Variants in LENG8 observed in about 807,000 individuals in gnomAD.
LENG8 encodes the protein leukocyte receptor cluster member 8, also known as leukocyte receptor cluster (LRC) member 8.
LENG8 carries 28 observed loss-of-function variants against 102.1 expected under a neutral mutation model. The observed-to-expected ratio is 0.27, with a 90% CI of 0.20 to 0.38. LENG8 has a LOEUF of 0.38. Among genes scored for constraint, LENG8 ranks in the 10% least tolerant of loss-of-function variants. The pLI, the probability that LENG8 is intolerant of heterozygous loss-of-function variation, is 1.00. For missense variants in LENG8, 1,022 were observed against 1,113.9 expected (o/e 0.92, Z 1.17); for synonymous variants, 531 against 456.7 (o/e 1.16, Z -2.07).
At chr19:54,452,060 A>G (rs762752551) in intron 2 of LENG8, 33 bp from the exon 3 acceptor site, 11 of 1,586,334 alleles carry the variant, frequency 6.9e-6, no homozygotes, top group Non-Finnish European at 9.5e-6. Flanking sequence ...AGTGGGGAGA[A>G]CAGGTGTGAC....
intron 3 of LENG8, among the ~76,000 whole-genome samples, 191 bp downstream of exon 3, chr19:54,452,458 G>A (rs1462557584): frequency 1.3e-5 from 2 of 152,268 alleles, no homozygotes; most frequent in Admixed American, 1.3e-4. Flanking sequence ...TGGTTCTGAA[G>A]AGGGAGGCCA....
In LENG8 at chr19:54,454,896, G is replaced by A. The variant is rs968409944; in HGVS notation, c.680-55G>A. 4 of 1,608,910 alleles carry A rather than the reference G, an allele frequency of 2.5e-6. No individual in the cohort carries two copies. In the South Asian group the frequency reaches 3.3e-5, roughly 13 times the overall value. ...ATTTCCACTTCCTCCCGTCCCCTGG[G>A]GACCCCTGGATGTGCCGGGGAAGGG... On this transcript the variant is annotated intron_variant, in intron 6 of 15. Coordinates refer to ENST00000326764, the MANE Select transcript of LENG8 (RefSeq NM_052925.4).
chr19:54,452,381 A>T (rs566506796), intron 3 of LENG8, 114 bp downstream of exon 3: 1 of 943,244 alleles, frequency 1.1e-6, no homozygotes, highest in East Asian at 2.6e-5. Flanking sequence ...ACATGAAAAG[A>T]CGTTCCAGGG....
rs1430084109 is a variant in LENG8 at position 54,460,606 on chromosome 19, A to G, written c.2241-160A>G. The stretch of plus-strand genomic sequence containing the variant: ...ACTAACCCCCCCCGGGCCCCCCCCG[A>G]GCCCCTGAGGTGGGGAGGCTGGGAG... On this transcript the variant is annotated intron_variant, in intron 15 of 15. Coordinates refer to ENST00000326764, the MANE Select transcript of LENG8 (RefSeq NM_052925.4). 9.3e-6 allele frequency: 13 copies of G among 1,400,976 alleles called. No homozygotes were observed. In the East Asian group the frequency reaches 1.3e-4, roughly 14 times the overall value. 86.8% of individuals were successfully genotyped at this position (1,400,976 alleles called of 1,614,324 possible). A position where few individuals can be genotyped will look rare whatever the true frequency, so the allele number is the denominator to read the frequency against.
intron 15 of LENG8, 144 bp downstream of exon 15, chr19:54,458,665 C>T: frequency 6.4e-7 from 1 of 1,552,484 alleles, no homozygotes; most frequent in Non-Finnish European, 8.7e-7. Flanking sequence ...TTTCTCCATT[C>T]AGCCCTCCCC....
rs946679868 is a variant in LENG8 at position 54,453,490 on chromosome 19, G to A, written c.316-56G>A. On this transcript the variant is annotated intron_variant, in intron 4 of 15. Transcript: ENST00000326764. ...GGCTGGTGTAGTTCCTGAGCAGGCT[G>A]GGGAAGCGGAAAGGGTAGGCCTCCC... 4 of 1,167,618 alleles carry A rather than the reference G, an allele frequency of 3.4e-6. No individual in the cohort carries two copies. The African/African-American group carries it at 4.5e-5, about 13-fold the overall frequency. 72.3% of individuals were successfully genotyped at this position (1,167,618 alleles called of 1,614,324 possible).
intron 15 of LENG8, chr19:54,460,523 T>C: frequency 1.4e-6 from 2 of 1,388,464 alleles, no homozygotes; most frequent in Non-Finnish European, 1.9e-6. Flanking sequence ...CCGTCCCCGC[T>C]CCTCCCTGGC....
intron 13 of LENG8, 29 bp from the exon 14 acceptor site, chr19:54,458,074 T>TCTCCTCC: frequency 6.2e-7 from 1 of 1,612,046 alleles, no homozygotes; most frequent in Non-Finnish European, 8.5e-7. Flanking sequence ...CTCACTCTGC[T>TCTCCTCC]CTCCTCCCTC....
Position 54,461,998 on chromosome 19 carries a change from TAAAG to T in LENG8, c.*1072_*1075del, listed in dbSNP as rs758668911. On this transcript the variant is annotated 3_prime_UTR_variant, in exon 16 of 16. Transcript: ENST00000326764. Reference sequence around the variant, plus strand: ...TTGGAAGCTTGAGAGAAACCAAAATTAAAGAGAGAAAGAGAGAGCGTGCACGCTC... The same window carrying T: ...TTGGAAGCTTGAGAGAAACCAAAATTAGAGAAAGAGAGAGCGTGCACGCTC... The T allele has an allele frequency of 1.4e-4, 205 of 1,422,310 alleles. No homozygotes were observed. Among genetic ancestry groups the T allele is most frequent in the Non-Finnish European group, 1.7e-4 (176 of 1,036,236 alleles). 88.1% of individuals were successfully genotyped at this position (1,422,310 alleles called of 1,614,324 possible).
rs760587102 is a variant in LENG8 at position 54,458,575 on chromosome 19, C to T, written c.2240+54C>T. 34 of 1,608,510 alleles carry T rather than the reference C, an allele frequency of 2.1e-5. No homozygotes were observed. The East Asian group carries it at 6.5e-4, about 31-fold the overall frequency. On this transcript the variant is annotated intron_variant, in intron 15 of 15. Coordinates refer to ENST00000326764, the MANE Select transcript of LENG8 (RefSeq NM_052925.4). ...TTGCTCTTCCCATCCTTCCGCCTCG[C>T]ACCGCCCCTCAGACCAGCTCCTGGC...
intron 15 of LENG8, chr19:54,458,753 G>A: frequency 6.4e-6 from 10 of 1,551,234 alleles, no homozygotes; most frequent in Non-Finnish European, 7.8e-6. Flanking sequence ...ACTGTTCCCA[G>A]CTCACTGCCT....
At position 54,454,602 on chromosome 19, in the gene LENG8, C is replaced by T. The variant is rs770407646; in HGVS notation, c.599C>T (p.Thr200Met). ...ATQHSQAGPA[T>M]GQAYGPHTYT... is the part of the protein sequence containing the mutation. ...CAGCACAGCCAGGCGGGGCCCGCCA[C>T]GGGCCAGGCCTATGGGCCACACACC... The change falls in exon 6 of 16, where the codon ACG (threonine) becomes ATG (methionine). Residue 200 changes from threonine to methionine, a missense_variant. Physicochemically the swap from Thr to Met is moderately conservative, Grantham distance 81 (BLOSUM62 -1). Around this residue, in one of 7 missense-constraint regions of LENG8, gnomAD observed 343 missense variants for 320.2 expected, o/e 1.07. Transcript: ENST00000326764. The T allele has an allele frequency of 1.1e-5, 18 of 1,610,166 alleles. No homozygotes were observed. Among genetic ancestry groups the T allele is most frequent in the South Asian group, 7.7e-5 (7 of 90,796 alleles).
At chr19:54,457,639 C>A (rs927610636) in intron 11 of LENG8, 108 bp from the exon 12 acceptor site, 2 of 821,186 alleles carry the variant, frequency 2.4e-6, no homozygotes, top group Admixed American at 1.8e-5. Context: ...CTGCGCCTGG[C>A]CTTTTTTTTC....
chr19:54,458,904 T>C, intron 15 of LENG8: 6 of 1,542,090 alleles, frequency 3.9e-6, no homozygotes, highest in Non-Finnish European at 5.2e-6. Context: ...GCTCCCACCA[T>C]AGAGACCATC....
Position 54,456,416 on chromosome 19 carries a change from CGAG to C in LENG8, c.1398_1400del (p.Gly467del). 1.9e-6 allele frequency: 3 copies of C among 1,610,108 alleles called. No individual in the cohort carries two copies. Among genetic ancestry groups the C allele is most frequent in the Non-Finnish European group, 2.5e-6 (3 of 1,179,798 alleles). On this transcript the variant is annotated inframe_deletion, in exon 10 of 16. Transcript: ENST00000326764. ...CCCGCCCCCTAAGGGCCGGGGCGGTCGAGGGGCCCATATGGATCGGGGCCGAGG... is the reference window on the plus strand; with the variant it reads ...CCCGCCCCCTAAGGGCCGGGGCGGTCGGGCCCATATGGATCGGGGCCGAGG...
At position 54,457,879 on chromosome 19, in the gene LENG8, C is replaced by T. The variant is rs140889602; in HGVS notation, c.1833+31C>T. On this transcript the variant is annotated intron_variant, in intron 12 of 15. Transcript: ENST00000326764. ...ACTCGCGCTGGGAGGGGCCTGGCCT[C>T]AGCCAGTCCTGCCTCCCGCTCCTTG... 5,108 of 1,613,230 alleles carry T rather than the reference C, an allele frequency of 3.2e-3. 19 individuals carry two copies. Among genetic ancestry groups the T allele is most frequent in the Non-Finnish European group, 3.8e-3 (4,532 of 1,179,170 alleles).
chr19:54,452,491 C>T (rs926491201), intron 3 of LENG8, among the ~76,000 whole-genome samples, 160 bp from the exon 4 acceptor site: 6 of 152,230 alleles, frequency 3.9e-5, no homozygotes, highest in East Asian at 1.9e-4. Flanking sequence ...TGGTCTCTAA[C>T]GTGCGTGAGT....
rs763419850 is a variant in LENG8 at position 54,456,159 on chromosome 19, C to T, written c.1218C>T (p.Val406=). ...NSFTKFGNRN[V]FMKDNSSSSS... ...TCACCAAGTTTGGCAACCGCAACGTCTTCATGAAGGACAACAGCTCTTCTT... is the reference window on the plus strand; with the variant it reads ...TCACCAAGTTTGGCAACCGCAACGTTTTCATGAAGGACAACAGCTCTTCTT... The change falls in exon 9 of 16, where the codon GTC becomes GTT. Residue 406 remains valine (V), a synonymous_variant. Coordinates refer to ENST00000326764, the MANE Select transcript of LENG8 (RefSeq NM_052925.4). The T allele has an allele frequency of 5.6e-6, 9 of 1,611,426 alleles. No homozygotes were observed. In the African/African-American group the frequency reaches 8.0e-5, roughly 14 times the overall value.
At chr19:54,449,859 C>T (rs538989791) in intron 1 of LENG8, 2 of 152,926 alleles carry the variant, frequency 1.3e-5, no homozygotes, top group Non-Finnish European at 1.5e-5. Flanking sequence ...TCCCTTCTGC[C>T]CTGGGGCTCC....
Sources: allele counts gnomAD v4.1 joint callset (sites outside exome capture counted in the v4.1 genomes callset), GRCh38; gene constraint gnomAD v4.1.1; regional missense constraint gnomAD v4.1.1; transcripts MANE v1.5; gene names NCBI Gene and HGNC (gene_info 2026-07-23, HGNC 2026-07-21).